Variants in CCDC158 observed in about 807,000 individuals in gnomAD.
The protein encoded by CCDC158 is coiled-coil domain containing 158.
In CCDC158, 116 loss-of-function variants were observed where a neutral mutation model predicts 138.6. The ratio of observed to expected loss-of-function variants is 0.84; its 90% CI spans 0.72 to 0.98. The LOEUF is 0.98. Among genes scored for constraint, CCDC158 ranks in the 50% least tolerant of loss-of-function variants. CCDC158 has a pLI of 0.00. For synonymous variants in CCDC158, 436 were observed against 442.4 expected (o/e 0.99, Z 0.18); for missense variants, 1,265 against 1,306.1 (o/e 0.97, Z 0.48).
chr4:76,321,870 G>A (rs369552687), intron 24 of CCDC158, among the ~76,000 whole-genome samples: 1 of 150,514 alleles, frequency 6.6e-6, no homozygotes, highest in African/African-American at 2.4e-5. Context: ...CCTGCATGGA[G>A]TTGGAGACCA....
chr4:76,371,600 A>G, intron 9 of CCDC158, 64 bp from the exon 10 acceptor site: 3 of 1,559,122 alleles, frequency 1.9e-6, no homozygotes, highest in South Asian at 2.3e-5. Context: ...AAATAAATAT[A>G]GACTTTGGAA....
At chr4:76,417,307 G>T (rs895279317) in intron 1 of CCDC158, among the ~76,000 whole-genome samples, 1 of 152,124 alleles carries the variant, frequency 6.6e-6, no homozygotes, top group Non-Finnish European at 1.5e-5. Flanking sequence ...GCTTGTTTTT[G>T]ATTTTACAGG....
chr4:76,410,584 C>T (rs558803825), intron 2 of CCDC158, among the ~76,000 whole-genome samples: 2 of 152,162 alleles, frequency 1.3e-5, no homozygotes, highest in Admixed American at 6.6e-5. Flanking sequence ...GATGAACCAC[C>T]CTACCTTCCA....
chr4:76,373,054 G>C (rs970292240), intron 9 of CCDC158, among the ~76,000 whole-genome samples: 1 of 152,164 alleles, frequency 6.6e-6, no homozygotes, highest in African/African-American at 2.4e-5. Flanking sequence ...TCGCCATGTT[G>C]GCCAGGCTGG....
chr4:76,357,384 A>G lies in CCDC158; in HGVS notation c.2163T>C (p.Ser721=). 6.4e-7 allele frequency: 1 copy of G among 1,568,924 alleles called. No homozygotes were observed. Among genetic ancestry groups the G allele is most frequent in the Non-Finnish European group, 8.6e-7 (1 of 1,161,782 alleles). The change falls in exon 14 of 25, where the codon TCT becomes TCC. Residue 721 remains serine, a synonymous_variant. Transcript: ENST00000682701. ...TCTAACAGAGCATACCATGACCATC[A>G]GATCCTTCCATTGACTTTAATGTAT... ...TRNTLKSMEG[S]DGHAMKVAMG...
chr4:76,364,306 C>T (rs1229729783), intron 12 of CCDC158, among the ~76,000 whole-genome samples: 1 of 152,138 alleles, frequency 6.6e-6, no homozygotes, highest in Non-Finnish European at 1.5e-5. Flanking sequence ...ACAGTGCCTC[C>T]TAACTGGTCT....
chr4:76,393,223 C>T (rs1727466959), intron 4 of CCDC158, among the ~76,000 whole-genome samples: 1 of 152,026 alleles, frequency 6.6e-6, no homozygotes, highest in African/African-American at 2.4e-5. Context: ...CATTACCTGA[C>T]TTCAAATTAC....
intron 4 of CCDC158, among the ~76,000 whole-genome samples, chr4:76,388,541 T>C (rs1020369348): frequency 1.3e-5 from 2 of 152,196 alleles, no homozygotes; most frequent in Non-Finnish European, 2.9e-5. Context: ...AGACTTTGTA[T>C]TGTGGTTTGA....
chr4:76,372,098 C>CAT (rs1260533158), intron 9 of CCDC158, among the ~76,000 whole-genome samples: 14 of 151,634 alleles, frequency 9.2e-5, no homozygotes, highest in African/African-American at 3.4e-4. Context: ...CTCCTGTTTT[C>CAT]ATACTATTCA....
At position 76,369,353 on chromosome 4, in the gene CCDC158, C is replaced by T. The variant is rs1725003277; in HGVS notation, c.1347+73G>A. On this transcript the variant is annotated intron_variant, in intron 11 of 24. Coordinates refer to ENST00000682701, the MANE Select transcript of CCDC158 (RefSeq NM_001394954.1). The stretch of plus-strand genomic sequence containing the variant: ...CCATATATGTTAAAAATAAAAAGCT[C>T]TATTTAGACATAAAATATTTATTTC... 4 of 1,433,114 alleles carry T rather than the reference C, an allele frequency of 2.8e-6. No homozygotes were observed. The African/African-American group carries it at 5.7e-5, about 21-fold the overall frequency. The allele number at this position is 1,433,114 out of a possible 1,614,324, so 88.8% of individuals were successfully genotyped here.
rs1724781646 is a variant in CCDC158, at chr4:76,367,382, T to C, written c.1742A>G (p.His581Arg). 1.2e-6 allele frequency: 2 copies of C among 1,614,274 alleles called. No individual in the cohort carries two copies. Among genetic ancestry groups the C allele is most frequent in the Non-Finnish European group, 1.7e-6 (2 of 1,180,056 alleles). Residue 581 changes from histidine to arginine, a missense_variant, in exon 12 of 25, where the codon CAT (histidine) becomes CGT (arginine). Physicochemically the swap from His to Arg is conservative, Grantham distance 29. Coordinates refer to ENST00000682701, the MANE Select transcript of CCDC158 (RefSeq NM_001394954.1). ...IENMTQLVGQ[H>R]GRTAGAMQVE... Reference sequence around the variant, plus strand: ...TTGCATAGCTCCAGCAGTTCGTCCATGCTGGCCCACCAGCTGTGTCATGTT... The same window carrying C: ...TTGCATAGCTCCAGCAGTTCGTCCACGCTGGCCCACCAGCTGTGTCATGTT...
intron 9 of CCDC158, among the ~76,000 whole-genome samples, chr4:76,376,681 TC>T: frequency 6.6e-6 from 1 of 152,216 alleles, no homozygotes; most frequent in African/African-American, 2.4e-5. Context: ...GTAATTAATG[TC>T]ACCTTAGGCC....
At chr4:76,349,760 A>G (rs992783811) in intron 18 of CCDC158, among the ~76,000 whole-genome samples, 13 of 152,260 alleles carry the variant, frequency 8.5e-5, no homozygotes, top group Non-Finnish European at 1.8e-4. Flanking sequence ...GATGGATGCC[A>G]TTCTTAATAA....
At chr4:76,396,657 C>T (rs569445356) in intron 3 of CCDC158, among the ~76,000 whole-genome samples, 171 bp from the exon 4 acceptor site, 32 of 152,042 alleles carry the variant, frequency 2.1e-4, no homozygotes, top group African/African-American at 7.5e-4. Context: ...ATTACAGGAG[C>T]GTGCCACCAT....
chr4:76,329,445 G>A (rs1051712671), intron 21 of CCDC158, among the ~76,000 whole-genome samples: 7 of 152,176 alleles, frequency 4.6e-5, no homozygotes, highest in African/African-American at 1.7e-4. Context: ...TTAGCCGGGC[G>A]AGGTGGCGGG....
rs1275620689 is a variant in CCDC158, at chr4:76,362,163, C to T, written c.1983G>A (p.Glu661=). 1 of 1,613,800 alleles carries T rather than the reference C, an allele frequency of 6.2e-7. No homozygotes were observed. Among genetic ancestry groups the T allele is most frequent in the East Asian group, 2.2e-5 (1 of 44,884 alleles). Residue 661 remains glutamate (E), a synonymous_variant, in exon 13 of 25, where the codon GAG becomes GAA. Transcript: ENST00000682701. The part of the protein sequence containing the change: ...IKQERDQLLN[E]VKTSRSELNN... ...TTAATTCACTCCTACTTGTTTTCACCTCATTTAATAATTGATCTCTCTCTT... is the reference window on the plus strand; with the variant it reads ...TTAATTCACTCCTACTTGTTTTCACTTCATTTAATAATTGATCTCTCTCTT...
At chr4:76,315,392 G>A (rs955595788) in intron 24 of CCDC158, among the ~76,000 whole-genome samples, 6 of 152,086 alleles carry the variant, frequency 3.9e-5, no homozygotes, top group East Asian at 3.9e-4. Context: ...CACATCACCC[G>A]ATAAACCCAA....
intron 2 of CCDC158, among the ~76,000 whole-genome samples, 153 bp downstream of exon 2, chr4:76,411,937 C>T (rs1729329021): frequency 6.6e-6 from 1 of 152,130 alleles, no homozygotes; most frequent in Non-Finnish European, 1.5e-5. Context: ...ATATTGTAGG[C>T]CTACGATATA....
intron 18 of CCDC158, among the ~76,000 whole-genome samples, chr4:76,335,825 G>T (rs925164865): frequency 6.6e-6 from 1 of 152,048 alleles, no homozygotes; most frequent in Non-Finnish European, 1.5e-5. Context: ...CACGCATCTT[G>T]GTTTCCCAAA....
Sources: allele counts gnomAD v4.1 joint callset (sites outside exome capture counted in the v4.1 genomes callset), GRCh38; gene constraint gnomAD v4.1.1; transcripts MANE v1.5; gene names NCBI Gene and HGNC (gene_info 2026-07-23, HGNC 2026-07-21).